KIF26B: variants seen among roughly 807,000 people sequenced by gnomAD.
KIF26B encodes the protein kinesin-like protein KIF26B.
A neutral mutation model predicts 151.2 loss-of-function variants in KIF26B; 63 were observed. The observed-to-expected ratio is 0.42, with a 90% CI of 0.34 to 0.51. The LOEUF (loss-of-function observed/expected upper bound fraction) is 0.51, where lower values mean the gene tolerates loss of function less well. Among genes scored for constraint, KIF26B ranks in the 20% least tolerant of loss-of-function variants. The pLI, the probability that KIF26B is intolerant of heterozygous loss-of-function variation, is 0.07. For missense variants in KIF26B, 2,813 were observed against 2,913.6 expected (o/e 0.97, Z 0.79); for synonymous variants, 1,357 against 1,262.1 (o/e 1.08, Z -1.59).
intron 2 of KIF26B, among the ~76,000 whole-genome samples, chr1:245,294,141 C>T (rs933707833): frequency 6.6e-5 from 10 of 152,076 alleles, no homozygotes; most frequent in Non-Finnish European, 1.0e-4. Flanking sequence ...GTTCATAAAA[C>T]GCTTAGAGGT....
intron 3 of KIF26B, among the ~76,000 whole-genome samples, chr1:245,377,056 A>C (rs1034611053): frequency 6.6e-6 from 1 of 151,950 alleles, no homozygotes; most frequent in African/African-American, 2.4e-5. Flanking sequence ...CTGAGATTAC[A>C]GGCACGCATC....
chr1:245,305,296 A>G (rs1057305238), intron 2 of KIF26B, among the ~76,000 whole-genome samples: 2 of 152,242 alleles, frequency 1.3e-5, no homozygotes, highest in African/African-American at 4.8e-5. Context: ...CATCCAGAAA[A>G]TGACAAAAGC....
chr1:245,688,717 T>C lies in KIF26B; in HGVS notation c.5734T>C (p.Ser1912Pro). ...GGACAGCGAGGCCACCGGCAGCGCG[T>C]CCTCGGCGCAGGACTCCACGAGCGA... ...MRDSEATGSASSAQDSTSENS... is the reference protein window; with the variant it reads ...MRDSEATGSAPSAQDSTSENS... The change falls in exon 12 of 15, where the codon TCC (serine) becomes CCC (proline). Residue 1912 changes from serine to proline, a missense_variant. Physicochemically the swap from Ser to Pro is moderately conservative, Grantham distance 74. Around this residue, in one of 3 missense-constraint regions of KIF26B, gnomAD observed 2,060 missense variants for 2,088.6 expected, o/e 0.99. Transcript: ENST00000407071. 7 of 1,608,754 alleles carry C rather than the reference T, an allele frequency of 4.4e-6. No individual in the cohort carries two copies. Among genetic ancestry groups the C allele is most frequent in the Non-Finnish European group, 5.9e-6 (7 of 1,178,372 alleles).
chr1:245,216,068 A>G (rs1310808804), intron 2 of KIF26B: 1 of 152,068 alleles, frequency 6.6e-6, no homozygotes, highest in East Asian at 1.9e-4. Flanking sequence ...TCTCTAAAAA[A>G]AAAATTAATT....
Position 245,476,350 on chromosome 1 carries a change from A to T in KIF26B, c.1166+56605A>T, listed in dbSNP as rs896389386. Among the ~76,000 whole-genome samples the T allele has an allele frequency of 4.0e-5, 6 of 151,800 alleles. No individual in the cohort carries two copies. In the South Asian group the frequency reaches 1.3e-3, roughly 32 times the overall value. ...ATCATTACATGCATAGTGATTGCAC[A>T]ACTCTGTGAATATATGAAAAATCAC... is the stretch of plus-strand genomic sequence containing the variant. On this transcript the variant is annotated intron_variant, in intron 4 of 14. Coordinates refer to ENST00000407071, the MANE Select transcript of KIF26B (RefSeq NM_018012.4).
At chr1:245,434,856 C>T (rs1658865221) in intron 4 of KIF26B, among the ~76,000 whole-genome samples, 1 of 152,180 alleles carries the variant, frequency 6.6e-6, no homozygotes, top group African/African-American at 2.4e-5. Context: ...CCCTTCCTCA[C>T]TGTCTTATGG....
chr1:245,302,988 CAAAAAA>C (rs74163037), intron 2 of KIF26B, among the ~76,000 whole-genome samples: 367 of 35,828 alleles, frequency 0.01, 2 homozygotes, highest in African/African-American at 0.04. Flanking sequence ...GACTCTGTCT[CAAAAAA>C]AAAAAAAAAA....
chr1:245,499,830 C>A (rs1660584187), intron 4 of KIF26B, among the ~76,000 whole-genome samples: 1 of 152,190 alleles, frequency 6.6e-6, no homozygotes, highest in Admixed American at 6.5e-5. Context: ...GCTGGTAGGT[C>A]TGATGGCTGG....
chr1:245,268,801 G>A (rs1436677085), intron 2 of KIF26B, among the ~76,000 whole-genome samples: 1 of 152,040 alleles, frequency 6.6e-6, no homozygotes, highest in Non-Finnish European at 1.5e-5. Context: ...ATCTTTCTGA[G>A]CCAACATTAA....
chr1:245,453,955 A>T (rs1572069565), intron 4 of KIF26B, among the ~76,000 whole-genome samples: 1 of 152,346 alleles, frequency 6.6e-6, no homozygotes, highest in East Asian at 1.9e-4. Context: ...ATGTTCAAGC[A>T]GGGCATGGGC....
intron 4 of KIF26B, among the ~76,000 whole-genome samples, chr1:245,526,837 ATTGAAATATGG>A (rs1558200262): frequency 2.0e-5 from 3 of 152,246 alleles, no homozygotes; most frequent in Non-Finnish European, 2.9e-5. Context: ...ATTTCACACA[ATTGAAATATGG>A]GAAAAGTGAA....
At chr1:245,663,462 G>A (rs1040026553) in intron 10 of KIF26B, among the ~76,000 whole-genome samples, 1 of 151,326 alleles carries the variant, frequency 6.6e-6, no homozygotes, top group African/African-American at 2.4e-5. Flanking sequence ...TTGTTTATTT[G>A]TGATCTAGGT....
chr1:245,294,265 T>C (rs1671300959), intron 2 of KIF26B, among the ~76,000 whole-genome samples: 1 of 152,170 alleles, frequency 6.6e-6, no homozygotes. Flanking sequence ...GGATCTGTGG[T>C]AAGTCTCCCC....
chr1:245,262,099 A>G (rs1670655503), intron 2 of KIF26B, among the ~76,000 whole-genome samples: 1 of 152,192 alleles, frequency 6.6e-6, no homozygotes, highest in African/African-American at 2.4e-5. Flanking sequence ...GCTGACACAC[A>G]GATCGGGCAT....
chr1:245,155,036 C>T lies in KIF26B; in HGVS notation c.-389C>T. 2.2e-6 allele frequency: 1 copy of T among 451,630 alleles called. No homozygotes were observed. Among genetic ancestry groups the T allele is most frequent in the Non-Finnish European group, 3.8e-6 (1 of 261,428 alleles). The allele number at this position is 451,630 out of a possible 1,614,324, so 28.0% of individuals were successfully genotyped here. On this transcript the variant is annotated 5_prime_UTR_variant, in exon 1 of 15. Transcript: ENST00000407071. ...AGTTCCCACAGCTGACTCGGCTCGG[C>T]TCTCCCACCTTCCCGGCAGCGGCCG...
chr1:245,217,125 C>A (rs990213559), intron 2 of KIF26B, among the ~76,000 whole-genome samples: 7 of 152,178 alleles, frequency 4.6e-5, no homozygotes, highest in Admixed American at 2.0e-4. Flanking sequence ...TGTCCAATTC[C>A]CCTCTGATTG....
At chr1:245,549,828 T>C (rs1440043374) in intron 5 of KIF26B, among the ~76,000 whole-genome samples, 1 of 152,018 alleles carries the variant, frequency 6.6e-6, no homozygotes, top group East Asian at 1.9e-4. Context: ...TCGCCCAGGC[T>C]GGAATGCAAT....
intron 5 of KIF26B, among the ~76,000 whole-genome samples, chr1:245,562,161 T>G (rs1316173312): frequency 6.6e-6 from 1 of 152,084 alleles, no homozygotes; most frequent in African/African-American, 2.4e-5. Context: ...TAGTGGTCCC[T>G]TCAGAGAACG....
At chr1:245,245,106 A>T (rs2103561970) in intron 2 of KIF26B, among the ~76,000 whole-genome samples, 1 of 152,286 alleles carries the variant, frequency 6.6e-6, no homozygotes, top group South Asian at 2.1e-4. Flanking sequence ...AAGAAAAAAG[A>T]ACTTGATGGA....
Sources: allele counts gnomAD v4.1 joint callset (sites outside exome capture counted in the v4.1 genomes callset), GRCh38; gene constraint gnomAD v4.1.1; regional missense constraint gnomAD v4.1.1; transcripts MANE v1.5; gene names NCBI Gene and HGNC (gene_info 2026-07-23, HGNC 2026-07-21).